CATSPERG: variants seen among roughly 807,000 people sequenced by gnomAD.
CATSPERG encodes the protein catsper channel auxiliary subunit gamma.
CATSPERG carries 115 observed loss-of-function variants against 145.0 expected under a neutral mutation model. The ratio of observed to expected loss-of-function variants is 0.79; its 90% CI spans 0.68 to 0.93. The LOEUF (loss-of-function observed/expected upper bound fraction) is 0.93, where lower values mean the gene tolerates loss of function less well. CATSPERG is among the 40% of genes least tolerant of loss of function. The pLI is 0.00. For missense variants in CATSPERG, 1,296 were observed against 1,490.1 expected (o/e 0.87, Z 2.14); for synonymous variants, 588 against 589.0 (o/e 1.00, Z 0.02).
chr19:38,344,902 T>TATATATATATA (rs1491474100), intron 6 of CATSPERG, among the ~76,000 whole-genome samples: 3 of 64,806 alleles, frequency 4.6e-5, no homozygotes, highest in Non-Finnish European at 9.3e-5. Context: ...TATATATATA[T>TATATATATATA]TTTTTTTTTT....
chr19:38,358,438 G>C lies in CATSPERG; in HGVS notation c.1373G>C (p.Gly458Ala). The C allele has an allele frequency of 6.2e-7, 1 of 1,614,196 alleles. No homozygotes were observed. Among genetic ancestry groups the C allele is most frequent in the Non-Finnish European group, 8.5e-7 (1 of 1,180,018 alleles). ...HIPEFIPEARGLEFLMILGTE... is the reference protein window; with the variant it reads ...HIPEFIPEARALEFLMILGTE... ...CTTCCTCTGCTCCGGTCAGCTCGAGGATTGGAGTTCCTGATGATCCTAGGG... is the reference window on the plus strand; with the variant it reads ...CTTCCTCTGCTCCGGTCAGCTCGAGCATTGGAGTTCCTGATGATCCTAGGG... Residue 458 changes from glycine (G) to alanine (A), a missense_variant, in exon 13 of 29, where the codon GGA becomes GCA. Gly to Ala is a moderately conservative substitution (Grantham distance 60). Transcript: ENST00000409235.
At position 38,342,216 on chromosome 19, in the gene CATSPERG, AAAATAAATAAATAAAT is replaced by A. The variant is rs202060544; in HGVS notation, c.325-1347_325-1332del. On this transcript the variant is annotated intron_variant, in intron 3 of 28. Transcript: ENST00000409235. ...CATAGCAAGACCCTGTCCCATGTAA[AAAATAAATAAATAAAT>A]AAATAAATAAATAAATTACAGAAAT... Among the ~76,000 whole-genome samples the A allele has an allele frequency of 4.7e-5, 7 of 148,520 alleles. No individual in the cohort carries two copies. The Admixed American group carries it at 4.8e-4, about 10-fold the overall frequency.
Position 38,370,908 on chromosome 19 carries a change from T to G in CATSPERG, c.*116T>G, listed in dbSNP as rs531281206. The G allele has an allele frequency of 8.5e-7, 1 of 1,182,036 alleles. No individual in the cohort carries two copies. Among genetic ancestry groups the G allele is most frequent in the African/African-American group, 1.5e-5 (1 of 66,028 alleles). The allele number at this position is 1,182,036 out of a possible 1,614,324, so 73.2% of individuals were successfully genotyped here. ...TCTTTCTGTTTTGCTTGATGTTTAC[T>G]TCTCGTTCAGACTCAAATAAAGCCT... On this transcript the variant is annotated 3_prime_UTR_variant, in exon 29 of 29. Coordinates refer to ENST00000409235, the MANE Select transcript of CATSPERG (RefSeq NM_021185.5).
intron 8 of CATSPERG, among the ~76,000 whole-genome samples, chr19:38,353,696 C>CAAAA (rs34301376): frequency 1.7e-5 from 1 of 60,328 alleles, no homozygotes; most frequent in Non-Finnish European, 3.2e-5. Context: ...GATGCCATCT[C>CAAAA]AAAAAAAAAA....
At chr19:38,365,553 T>A (rs945838724) in intron 22 of CATSPERG, 1 of 179,530 alleles carries the variant, frequency 5.6e-6, no homozygotes, top group Non-Finnish European at 1.2e-5. Context: ...ATTCCAGGTG[T>A]GAGCCACCAT....
At chr19:38,342,836 C>T (rs1421065762) in intron 3 of CATSPERG, among the ~76,000 whole-genome samples, 2 of 152,000 alleles carry the variant, frequency 1.3e-5, no homozygotes, top group African/African-American at 2.4e-5. Context: ...CTCCCATCTC[C>T]ACTCTAAGCG....
At chr19:38,344,477 C>A in intron 6 of CATSPERG, 109 bp downstream of exon 6, 1 of 890,334 alleles carries the variant, frequency 1.1e-6, no homozygotes, top group Non-Finnish European at 1.8e-6. Flanking sequence ...CAACTTCATG[C>A]CAGGCCCCAC....
intron 7 of CATSPERG, 104 bp downstream of exon 7, chr19:38,346,709 A>AT (rs1970047695): frequency 9.3e-7 from 1 of 1,071,296 alleles, no homozygotes. Flanking sequence ...CCCCAAAGAC[A>AT]TATCTGTCCC....
chr19:38,346,162 T>G (rs771707354), intron 6 of CATSPERG, among the ~76,000 whole-genome samples: 1 of 152,122 alleles, frequency 6.6e-6, no homozygotes, highest in Non-Finnish European at 1.5e-5. Flanking sequence ...AGGAGAGAAT[T>G]GCATGGATAC....
Position 38,361,780 on chromosome 19 carries a change from G to C in CATSPERG, c.2013G>C (p.Ser671=), listed in dbSNP as rs1380276635. 2 of 1,613,020 alleles carry C rather than the reference G, an allele frequency of 1.2e-6. No individual in the cohort carries two copies. Among genetic ancestry groups the C allele is most frequent in the African/African-American group, 1.3e-5 (1 of 74,888 alleles). Reference sequence around the variant, plus strand: ...GGCCGCCGCGCGTCCTGGAGCGCTCGGGCTTCCACAACGAGAACTCGCTCG... The same window carrying C: ...GGCCGCCGCGCGTCCTGGAGCGCTCCGGCTTCCACAACGAGAACTCGCTCG... ...RARPPRVLER[S]GFHNENSLAI... The change falls in exon 17 of 29, where the codon TCG becomes TCC. Residue 671 remains serine (S), a synonymous_variant. Transcript: ENST00000409235.
intron 3 of CATSPERG, among the ~76,000 whole-genome samples, chr19:38,343,257 A>G (rs969059219): frequency 6.6e-6 from 1 of 151,712 alleles, no homozygotes; most frequent in Non-Finnish European, 1.5e-5. Flanking sequence ...CATCCCTCCC[A>G]CCTGCACAGT....
intron 8 of CATSPERG, among the ~76,000 whole-genome samples, chr19:38,352,685 G>T (rs1428134083): frequency 6.7e-6 from 1 of 149,502 alleles, no homozygotes; most frequent in Non-Finnish European, 1.5e-5. Flanking sequence ...GAGGGGGTGC[G>T]AGAGTAAAGG....
chr19:38,368,095 ACT>A lies in CATSPERG; in HGVS notation c.2980_2981del (p.Ala995LeufsTer23). The A allele has an allele frequency of 6.2e-7, 1 of 1,613,950 alleles. No homozygotes were observed. Among genetic ancestry groups the A allele is most frequent in the Non-Finnish European group, 8.5e-7 (1 of 1,179,976 alleles). Reference sequence around the variant, plus strand: ...ACGAGGACCACAAGGACCACCAAAGACTCAGCCTTTCACATCATGTCCCACGA... The same window carrying A: ...ACGAGGACCACAAGGACCACCAAAGACAGCCTTTCACATCATGTCCCACGA... On this transcript the variant is annotated frameshift_variant, in exon 26 of 29. Coordinates refer to ENST00000409235, the MANE Select transcript of CATSPERG (RefSeq NM_021185.5). LOFTEE classifies it high-confidence loss of function.
At chr19:38,341,099 C>T (rs991764011) in intron 3 of CATSPERG, among the ~76,000 whole-genome samples, 6 of 151,970 alleles carry the variant, frequency 3.9e-5, no homozygotes, top group African/African-American at 9.7e-5. Context: ...GTGGCTGGAG[C>T]AGAGTGAGTG....
At position 38,343,864 on chromosome 19, in the gene CATSPERG, G is replaced by C. The variant is rs914735546; in HGVS notation, c.470-129G>C. On this transcript the variant is annotated intron_variant, in intron 4 of 28. Coordinates refer to ENST00000409235, the MANE Select transcript of CATSPERG (RefSeq NM_021185.5). ...TTCCATGGCCTAGAGGGGCCACACA[G>C]AGGCCCCAGTGGGACCCATGGCGTG... The C allele has an allele frequency of 6.4e-6, 9 of 1,403,054 alleles. No individual in the cohort carries two copies. In the Middle Eastern group the frequency reaches 7.6e-4, roughly 118 times the overall value. The allele number at this position is 1,403,054 out of a possible 1,614,324, so 86.9% of individuals were successfully genotyped here. A position where few individuals can be genotyped will look rare whatever the true frequency, so the allele number is the denominator to read the frequency against.
intron 1 of CATSPERG, chr19:38,336,685 T>G: frequency 1.3e-5 from 3 of 229,496 alleles, no homozygotes; most frequent in South Asian, 4.8e-5. Context: ...AGTACACGGG[T>G]GCGATCGCAG....
chr19:38,336,917 A>C, intron 1 of CATSPERG: 1 of 475,652 alleles, frequency 2.1e-6, no homozygotes, highest in Non-Finnish European at 3.9e-6. Context: ...GAGCAATAGC[A>C]GAGGTGCGAT....
intron 22 of CATSPERG, chr19:38,365,810 C>G (rs540742029): frequency 3.4e-5 from 5 of 146,466 alleles, no homozygotes; most frequent in Non-Finnish European, 4.5e-5. Flanking sequence ...CGGGTTCAAG[C>G]GATTCTCCTG....
chr19:38,340,611 C>T (rs757935442), intron 3 of CATSPERG, among the ~76,000 whole-genome samples: 7 of 151,654 alleles, frequency 4.6e-5, no homozygotes, highest in African/African-American at 1.5e-4. Context: ...TGAGCCACCG[C>T]GCCCGGCCAA....
Sources: gnomAD v4.1 joint callset for allele counts (sites outside exome capture counted in the v4.1 genomes callset) on GRCh38, gnomAD v4.1.1 for gene constraint, MANE v1.5 for transcripts, NCBI Gene and HGNC (gene_info 2026-07-23, HGNC 2026-07-21) for gene names.